CHN2: variants seen among roughly 807,000 people sequenced by gnomAD.
The protein encoded by CHN2 is beta-chimaerin.
In CHN2, 35 loss-of-function variants were observed where a neutral mutation model predicts 56.3. The observed-to-expected ratio is 0.62, with a 90% CI of 0.47 to 0.82. The LOEUF (loss-of-function observed/expected upper bound fraction) is 0.82, where lower values mean the gene tolerates loss of function less well. Ranked by LOEUF, CHN2 falls within the 40% of genes least tolerant of loss-of-function variation. CHN2 has a pLI of 0.00. For synonymous variants in CHN2, 210 were observed against 212.8 expected (o/e 0.99, Z 0.12); for missense variants, 491 against 580.5 (o/e 0.85, Z 1.58).
chr7:29,465,176 TAA>T (rs1404807310), intron 6 of CHN2, among the ~76,000 whole-genome samples: 1 of 152,256 alleles, frequency 6.6e-6, no homozygotes, highest in Non-Finnish European at 1.5e-5. Flanking sequence ...CATTTGTGAT[TAA>T]AATCCTTCCA....
chr7:29,479,782 A>C (rs1056488994), intron 6 of CHN2: 2 of 1,205,870 alleles, frequency 1.7e-6, no homozygotes. Context: ...CGGCAGGAGA[A>C]AGCAGGCTGC....
At chr7:29,492,924 G>A (rs1168732435) in intron 7 of CHN2, among the ~76,000 whole-genome samples, 1 of 152,138 alleles carries the variant, frequency 6.6e-6, no homozygotes, top group Non-Finnish European at 1.5e-5. Context: ...GGAACACTTT[G>A]TTGGTTTTCT....
intron 1 of CHN2, among the ~76,000 whole-genome samples, chr7:29,313,799 C>T (rs1005624521): frequency 6.6e-6 from 1 of 152,138 alleles, no homozygotes; most frequent in Non-Finnish European, 1.5e-5. Flanking sequence ...AGATGGGGGT[C>T]TTAAGGTGGT....
rs1417510767 is a variant in CHN2, at chr7:29,513,000, T to C, written c.*265T>C. ...TCTGGTTTGCTGGAAGAGTGATTAATACATCTTTAATTTATTAAAAAACAA... is the reference window on the plus strand; with the variant it reads ...TCTGGTTTGCTGGAAGAGTGATTAACACATCTTTAATTTATTAAAAAACAA... On this transcript the variant is annotated 3_prime_UTR_variant, in exon 13 of 13. Transcript: ENST00000222792. 9.1e-6 allele frequency: 3 copies of C among 328,276 alleles called. No homozygotes were observed. Among genetic ancestry groups the C allele is most frequent in the African/African-American group, 6.3e-5 (3 of 47,788 alleles). 20.3% of individuals were successfully genotyped at this position (328,276 alleles called of 1,614,324 possible). A position where few individuals can be genotyped will look rare whatever the true frequency, so the allele number is the denominator to read the frequency against.
At chr7:29,256,076 TTTCTTTTC>T (rs1447069825) in intron 1 of CHN2, among the ~76,000 whole-genome samples, 1 of 152,244 alleles carries the variant, frequency 6.6e-6, no homozygotes, top group East Asian at 1.9e-4. Flanking sequence ...GCCTTTTTTC[TTTCTTTTC>T]GTTCATTTCA....
intron 2 of CHN2, among the ~76,000 whole-genome samples, chr7:29,149,597 C>A (rs1168471378): frequency 6.6e-6 from 1 of 152,172 alleles, no homozygotes; most frequent in Non-Finnish European, 1.5e-5. Context: ...GAGGTTGTAA[C>A]TGAGCAGCTA....
At chr7:29,198,054 T>A in intron 1 of CHN2, 1 of 456,254 alleles carries the variant, frequency 2.2e-6, no homozygotes, top group Non-Finnish European at 4.4e-6. Context: ...AGCAGCATCA[T>A]GCACAGAGCT....
At chr7:29,329,860 A>T (rs543153249) in intron 1 of CHN2, among the ~76,000 whole-genome samples, 1 of 152,356 alleles carries the variant, frequency 6.6e-6, no homozygotes, top group East Asian at 1.9e-4. Context: ...TCAGAGAAGA[A>T]ATATTTTCCT....
intron 6 of CHN2, among the ~76,000 whole-genome samples, chr7:29,428,982 G>T (rs1007552230): frequency 1.3e-5 from 2 of 152,148 alleles, no homozygotes; most frequent in Admixed American, 1.3e-4. Context: ...GTTTCTATGG[G>T]CCAGTCCTGG....
At chr7:29,263,285 C>G (rs535861624) in intron 1 of CHN2, among the ~76,000 whole-genome samples, 2 of 152,336 alleles carry the variant, frequency 1.3e-5, no homozygotes, top group African/African-American at 4.8e-5. Flanking sequence ...CCGCCTCGGC[C>G]TCCCGAGGTG....
chr7:29,467,166 T>C (rs1003303975), intron 6 of CHN2, among the ~76,000 whole-genome samples: 4 of 152,226 alleles, frequency 2.6e-5, no homozygotes, highest in African/African-American at 9.7e-5. Flanking sequence ...ATTTTTCACA[T>C]TAGAAATCAT....
At chr7:29,196,690 T>A (rs1031379847) in intron 1 of CHN2, among the ~76,000 whole-genome samples, 2 of 152,240 alleles carry the variant, frequency 1.3e-5, no homozygotes, top group Non-Finnish European at 2.9e-5. Flanking sequence ...GAATTACAGC[T>A]GCTGTGGCAT....
chr7:29,435,406 A>G (rs1283837753), intron 6 of CHN2, among the ~76,000 whole-genome samples: 2 of 152,144 alleles, frequency 1.3e-5, no homozygotes, highest in Non-Finnish European at 2.9e-5. Context: ...CATTCTGAGA[A>G]GTGTGTCATT....
intron 1 of CHN2, among the ~76,000 whole-genome samples, chr7:29,275,754 A>G (rs1006212895): frequency 3.9e-5 from 6 of 152,174 alleles, no homozygotes; most frequent in Non-Finnish European, 8.8e-5. Context: ...TGGCTGGGCC[A>G]GGACTGAGCC....
At chr7:29,479,637 G>T in intron 6 of CHN2, 12 of 1,015,296 alleles carry the variant, frequency 1.2e-5, no homozygotes, top group Admixed American at 1.0e-4. Context: ...CCCAGGATGG[G>T]GTTCAGAGCC....
intron 1 of CHN2, among the ~76,000 whole-genome samples, chr7:29,234,196 T>C (rs997960906): frequency 2.4e-4 from 36 of 152,190 alleles, no homozygotes; most frequent in Non-Finnish European, 4.0e-4. Flanking sequence ...GTATAATAAG[T>C]TTGTGTTATT....
At chr7:29,437,358 G>C in intron 6 of CHN2, among the ~76,000 whole-genome samples, 1 of 84,794 alleles carries the variant, frequency 1.2e-5, no homozygotes. Flanking sequence ...CAGCACTTTG[G>C]GAGGCCGAGG....
intron 6 of CHN2, among the ~76,000 whole-genome samples, chr7:29,430,604 AC>A (rs1782771305): frequency 6.6e-6 from 1 of 152,128 alleles, no homozygotes; most frequent in African/African-American, 2.4e-5. Context: ...AAGCTCAGCT[AC>A]GAGAGTAGTT....
intron 6 of CHN2, among the ~76,000 whole-genome samples, chr7:29,468,587 A>T (rs979158083): frequency 1.3e-5 from 2 of 151,070 alleles, no homozygotes; most frequent in Admixed American, 1.3e-4. Flanking sequence ...ACCTGTTCCT[A>T]CTCTTTTTAC....
Sources: allele counts gnomAD v4.1 joint callset (sites outside exome capture counted in the v4.1 genomes callset), GRCh38; gene constraint gnomAD v4.1.1; transcripts MANE v1.5; gene names NCBI Gene and HGNC (gene_info 2026-07-23, HGNC 2026-07-21).